PABPC4L: variants seen among roughly 807,000 people sequenced by gnomAD.
PABPC4L encodes the protein polyadenylate-binding protein 4-like.
For synonymous variants in PABPC4L, 169 were observed against 164.1 expected (o/e 1.03, Z -0.23); for missense variants, 452 against 451.4 (o/e 1.00, Z -0.01).
the PABPC4L span, among the ~76,000 whole-genome samples, chr4:134,135,178 A>G: frequency 7.9e-5 from 12 of 152,266 alleles, no homozygotes; most frequent in South Asian, 2.5e-3. Flanking sequence ...AAAATACATT[A>G]CATTAGAAAA....
At chr4:133,967,406 T>A in the PABPC4L span, among the ~76,000 whole-genome samples, 1 of 152,274 alleles carries the variant, frequency 6.6e-6, no homozygotes, top group African/African-American at 2.4e-5. Flanking sequence ...AGTATGGAAC[T>A]CAAAAAAGTG....
chr4:134,122,906 A>G, the PABPC4L span, among the ~76,000 whole-genome samples: 1 of 151,910 alleles, frequency 6.6e-6, no homozygotes, highest in East Asian at 1.9e-4. Context: ...TATTTGTCAT[A>G]ATTTTCCAAA....
At chr4:134,127,649 A>T in the PABPC4L span, among the ~76,000 whole-genome samples, 2 of 152,158 alleles carry the variant, frequency 1.3e-5, no homozygotes, top group African/African-American at 4.8e-5. Context: ...GATTCTGAAC[A>T]GCAGTCCTTG....
the PABPC4L span, among the ~76,000 whole-genome samples, chr4:134,154,520 T>C: frequency 1.3e-5 from 2 of 152,070 alleles, no homozygotes; most frequent in South Asian, 2.1e-4. Flanking sequence ...TGATTTGCAG[T>C]TTATTATATA....
chr4:134,028,976 T>A, the PABPC4L span, among the ~76,000 whole-genome samples: 1 of 152,138 alleles, frequency 6.6e-6, no homozygotes, highest in Non-Finnish European at 1.5e-5. Flanking sequence ...AGTTGAAATT[T>A]TTTCTATTAC....
the PABPC4L span, among the ~76,000 whole-genome samples, chr4:133,962,070 T>C: frequency 1.3e-5 from 2 of 152,106 alleles, no homozygotes; most frequent in East Asian, 3.9e-4. Context: ...TCCACATCCA[T>C]AGGAAAAGGG....
chr4:134,107,157 C>T, the PABPC4L span, among the ~76,000 whole-genome samples: 13 of 150,752 alleles, frequency 8.6e-5, no homozygotes, highest in African/African-American at 1.5e-4. Flanking sequence ...AGAGCTAAAA[C>T]GATTTACCTA....
the PABPC4L span, among the ~76,000 whole-genome samples, chr4:134,086,720 C>CT: frequency 0.043 from 4,963 of 115,528 alleles, 243 homozygotes; most frequent in African/African-American, 0.13. Flanking sequence ...GCTTGAAAGT[C>CT]TTTTTTTTTT....
the PABPC4L span, among the ~76,000 whole-genome samples, chr4:133,970,520 A>C: frequency 2.0e-5 from 3 of 152,150 alleles, no homozygotes; most frequent in Non-Finnish European, 4.4e-5. Context: ...ACTTTTAATT[A>C]AATATGTTCC....
chr4:134,101,607 AT>A, the PABPC4L span, among the ~76,000 whole-genome samples: 1 of 151,438 alleles, frequency 6.6e-6, no homozygotes, highest in Non-Finnish European at 1.5e-5. Flanking sequence ...GTTTATTTCT[AT>A]TTATAGGCAA....
At chr4:133,993,991 GA>G in the PABPC4L span, among the ~76,000 whole-genome samples, 1 of 151,820 alleles carries the variant, frequency 6.6e-6, no homozygotes, top group Non-Finnish European at 1.5e-5. Flanking sequence ...AGGCTGAGTG[GA>G]AAAGGTCTCC....
the PABPC4L span, among the ~76,000 whole-genome samples, chr4:133,991,763 A>G: frequency 6.6e-6 from 1 of 152,174 alleles, no homozygotes; most frequent in East Asian, 1.9e-4. Context: ...ATTGACTGGT[A>G]GGAATGCCTC....
the PABPC4L span, among the ~76,000 whole-genome samples, chr4:134,074,277 T>C: frequency 6.6e-6 from 1 of 152,162 alleles, no homozygotes; most frequent in Non-Finnish European, 1.5e-5. Context: ...AATAGTCTCT[T>C]TGCATATGAA....
the PABPC4L span, among the ~76,000 whole-genome samples, chr4:134,140,118 T>C: frequency 6.6e-6 from 1 of 151,856 alleles, no homozygotes; most frequent in Non-Finnish European, 1.5e-5. Flanking sequence ...AAAGTTTTAG[T>C]TACGTAGAAT....
At chr4:133,989,970 T>C in the PABPC4L span, among the ~76,000 whole-genome samples, 29 of 152,120 alleles carry the variant, frequency 1.9e-4, no homozygotes, top group Non-Finnish European at 3.1e-4. Context: ...AAGCCCTTTA[T>C]ACATAAGATC....
At chr4:134,036,052 G>A in the PABPC4L span, among the ~76,000 whole-genome samples, 3 of 152,048 alleles carry the variant, frequency 2.0e-5, no homozygotes, top group East Asian at 5.8e-4. Context: ...TAGGGATTAC[G>A]AGGATTTTAA....
At chr4:134,149,729 A>G in the PABPC4L span, among the ~76,000 whole-genome samples, 1 of 152,190 alleles carries the variant, frequency 6.6e-6, no homozygotes, top group Admixed American at 6.5e-5. Context: ...AAAGAAATCC[A>G]TCTAAAATTT....
At chr4:134,155,412 T>TCACACACACACA in the PABPC4L span, among the ~76,000 whole-genome samples, 14,427 of 146,884 alleles carry the variant, frequency 0.098, 765 homozygotes, top group South Asian at 0.12. Flanking sequence ...CTCTCCCAGT[T>TCACACACACACA]CACACACACA....
At chr4:134,195,045 T>C (rs1272259275), downstream of PABPC4L, among the ~76,000 whole-genome samples, 1 of 151,774 alleles carries the variant, frequency 6.6e-6, no homozygotes, top group Non-Finnish European at 1.5e-5. Context: ...TTGCAATCTA[T>C]ACAATATAAA....
Sources: gnomAD v4.1 joint callset for allele counts (sites outside exome capture counted in the v4.1 genomes callset) on GRCh38, gnomAD v4.1.1 for gene constraint, MANE v1.5 for transcripts, NCBI Gene and HGNC (gene_info 2026-07-23, HGNC 2026-07-21) for gene names.